The following SEC14L1 variants were observed in gnomAD, a reference collection of about 807,000 sequenced individuals.
SEC14L1 encodes the protein SEC14 like lipid binding 1, also known as SEC14-like protein 1.
In SEC14L1, 48 loss-of-function variants were observed where a neutral mutation model predicts 85.3. The ratio of observed to expected loss-of-function variants is 0.56; its 90% confidence interval spans 0.45 to 0.72. The LOEUF is 0.72. SEC14L1 is among the 30% of genes least tolerant of loss of function. The probability of loss-of-function intolerance (pLI) is 0.00; values close to 1 mark genes in which losing one functional copy is unlikely to be tolerated. For synonymous variants in SEC14L1, 391 were observed against 355.5 expected (o/e 1.10, Z -1.12); for missense variants, 682 against 921.4 (o/e 0.74, Z 3.36).
chr17:77,190,760 G>T, intron 3 of SEC14L1, 43 bp from the exon 4 acceptor site: 1 of 1,608,552 alleles, frequency 6.2e-7, no homozygotes, highest in Non-Finnish European at 8.5e-7. Context: ...ACATCAGGTT[G>T]TGTCTTTGCT....
At chr17:77,124,256 TG>T (rs904212654) in intron 3 of SEC14L1, among the ~76,000 whole-genome samples, 22 of 152,148 alleles carry the variant, frequency 1.4e-4, no homozygotes, top group African/African-American at 5.3e-4. Flanking sequence ...CTCAGCTACT[TG>T]GGGGGCTGAG....
At chr17:77,101,270 A>G (rs2143316500) in intron 3 of SEC14L1, among the ~76,000 whole-genome samples, 1 of 151,434 alleles carries the variant, frequency 6.6e-6, no homozygotes, top group East Asian at 1.9e-4. Flanking sequence ...CTGCAACCCC[A>G]GTCTCCCAGG....
intron 3 of SEC14L1, among the ~76,000 whole-genome samples, chr17:77,145,819 T>C (rs1044272332): frequency 6.6e-6 from 1 of 152,074 alleles, no homozygotes; most frequent in African/African-American, 2.4e-5. Flanking sequence ...TTCTCTAGGA[T>C]TTTGCCCTGT....
Position 77,213,349 on chromosome 17 carries a change from C to T in SEC14L1, c.1899C>T (p.Ile633=), listed in dbSNP as rs1976865177. 6.2e-7 allele frequency: 1 copy of T among 1,613,084 alleles called. No individual in the cohort carries two copies. The highest frequency in any genetic ancestry group is 8.5e-7 in the Non-Finnish European group (1 of 1,179,726). Residue 633 remains isoleucine (I), a synonymous_variant, in exon 16 of 17, where the codon ATC becomes ATT. Coordinates refer to ENST00000436233, the MANE Select transcript of SEC14L1 (RefSeq NM_001143998.2). The surrounding 1 kb of genome is among the most constrained non-coding windows in gnomAD (Gnocchi z 7.1). ...TGACCAGGTGGCCGGGCTTCTACATCCTGCAGTGGAAATTCCACAGCATGC... is the reference window on the plus strand; with the variant it reads ...TGACCAGGTGGCCGGGCTTCTACATTCTGCAGTGGAAATTCCACAGCATGC... ...SHVTRWPGFY[I]LQWKFHSMPA... is the part of the protein sequence containing the mutation.
chr17:77,095,083 A>C (rs1312751984), intron 3 of SEC14L1: 4 of 152,262 alleles, frequency 2.6e-5, no homozygotes, highest in African/African-American at 9.6e-5. Flanking sequence ...TTGGAATATG[A>C]GTCTTTGCAA....
At chr17:77,130,439 C>T (rs1567882120) in intron 3 of SEC14L1, among the ~76,000 whole-genome samples, 3 of 151,444 alleles carry the variant, frequency 2.0e-5, no homozygotes, top group Non-Finnish European at 4.4e-5. Flanking sequence ...GCCTCAGCCT[C>T]CCGAGTATCT....
chr17:77,135,680 G>C (rs1215766618), intron 3 of SEC14L1, among the ~76,000 whole-genome samples: 1 of 151,916 alleles, frequency 6.6e-6, no homozygotes, highest in African/African-American at 2.4e-5. Context: ...AGGACTACAG[G>C]CATGTACCAC....
At chr17:77,118,305 A>C (rs1326996779) in intron 3 of SEC14L1, among the ~76,000 whole-genome samples, 3 of 152,254 alleles carry the variant, frequency 2.0e-5, no homozygotes, top group African/African-American at 7.2e-5. Context: ...ATTACAAATC[A>C]GTGATCTCTG....
intron 2 of SEC14L1, among the ~76,000 whole-genome samples, chr17:77,092,529 A>G (rs1971541517): frequency 6.6e-6 from 1 of 152,140 alleles, no homozygotes; most frequent in Non-Finnish European, 1.5e-5. Context: ...AGGGAAGAAA[A>G]GTAAAGTTGG....
Position 77,194,834 on chromosome 17 carries a change from C to G in SEC14L1, c.632C>G (p.Ala211Gly). The G allele has an allele frequency of 6.2e-7, 1 of 1,614,234 alleles. No individual in the cohort carries two copies. The highest frequency in any genetic ancestry group is 8.5e-7 in the Non-Finnish European group (1 of 1,180,036). ...AASMAVVIPE[A>G]ALKEGLSGDA... ...TCCATGGCCGTCGTCATCCCAGAAG[C>G]TGCCCTCAAGGAGGGGCTGAGTGGT... Residue 211 changes from alanine (A) to glycine (G), a missense_variant, in exon 7 of 17, where the codon GCT becomes GGT. Ala to Gly is a moderately conservative substitution (Grantham distance 60). Transcript: ENST00000436233.
chr17:77,147,876 C>T (rs1973382491), intron 3 of SEC14L1, among the ~76,000 whole-genome samples: 1 of 151,912 alleles, frequency 6.6e-6, no homozygotes, highest in South Asian at 2.1e-4. Flanking sequence ...GTCAGGTGTA[C>T]AGTTTGATCA....
intron 8 of SEC14L1, 143 bp from the exon 9 acceptor site, chr17:77,200,341 G>A (rs1402242704): frequency 1.5e-5 from 9 of 605,932 alleles, no homozygotes; most frequent in Non-Finnish European, 2.6e-5. Flanking sequence ...GCTGATTTTT[G>A]TATTTTTAGT....
intron 15 of SEC14L1, 66 bp downstream of exon 15, chr17:77,212,267 G>A: frequency 6.3e-7 from 1 of 1,580,382 alleles, no homozygotes; most frequent in South Asian, 1.2e-5. Flanking sequence ...TCTGTCTTGA[G>A]TAGACTCTTT....
chr17:77,177,638 C>G (rs757011285), intron 3 of SEC14L1, among the ~76,000 whole-genome samples: 7 of 152,086 alleles, frequency 4.6e-5, no homozygotes, highest in Non-Finnish European at 1.0e-4. Context: ...CAATCTGAAA[C>G]TGACCCCCTC....
intron 14 of SEC14L1, 27 bp from the exon 15 acceptor site, chr17:77,211,923 G>C (rs765427812): frequency 6.2e-7 from 1 of 1,609,254 alleles, no homozygotes; most frequent in Admixed American, 1.7e-5. Context: ...CGTGGATCGT[G>C]GCTGCCTAAC....
Position 77,216,876 on chromosome 17 carries a change from C to T in SEC14L1, c.*2853C>T, listed in dbSNP as rs1977127169. ...CGTGTTTCTACCTTTAGTACCTTGCCACTCTTTTAAAACGCTGCTGTCATT... is the reference window on the plus strand; with the variant it reads ...CGTGTTTCTACCTTTAGTACCTTGCTACTCTTTTAAAACGCTGCTGTCATT... On this transcript the variant is annotated 3_prime_UTR_variant, in exon 17 of 17. Transcript: ENST00000436233. The T allele has an allele frequency of 6.2e-6, 2 of 321,168 alleles. No individual in the cohort carries two copies. Among genetic ancestry groups the T allele is most frequent in the Non-Finnish European group, 1.2e-5 (2 of 172,284 alleles). 19.9% of individuals were successfully genotyped at this position (321,168 alleles called of 1,614,324 possible). A position where few individuals can be genotyped will look rare whatever the true frequency, so the allele number is the denominator to read the frequency against.
chr17:77,214,696 A>G lies in SEC14L1; in HGVS notation c.*673A>G. On this transcript the variant is annotated 3_prime_UTR_variant, in exon 17 of 17. Transcript: ENST00000436233. ...CTCCAGGAAAATGCTGCCATCGTTA[A>G]ACATTACTTTCTCTTTCCTCCTTTT... 1.0e-6 allele frequency: 1 copy of G among 985,530 alleles called. No homozygotes were observed. The allele number at this position is 985,530 out of a possible 1,614,324, so 61.0% of individuals were successfully genotyped here.
At chr17:77,154,011 T>G (rs1973690834) in intron 3 of SEC14L1, among the ~76,000 whole-genome samples, 1 of 152,226 alleles carries the variant, frequency 6.6e-6, no homozygotes, top group Admixed American at 6.5e-5. Context: ...TCTGTATCCT[T>G]GTGTTCTGCA....
intron 3 of SEC14L1, among the ~76,000 whole-genome samples, chr17:77,172,985 G>A (rs1283172741): frequency 6.6e-6 from 1 of 152,186 alleles, no homozygotes; most frequent in Non-Finnish European, 1.5e-5. Flanking sequence ...TGTCATAGCA[G>A]CCCTGCGAAT....
Sources: allele counts gnomAD v4.1 joint callset (sites outside exome capture counted in the v4.1 genomes callset), GRCh38; gene constraint gnomAD v4.1.1; non-coding constraint Gnocchi (gnomAD v3.1); transcripts MANE v1.5; gene names NCBI Gene and HGNC (gene_info 2026-07-23, HGNC 2026-07-21).